The following PLXNA4 variants were observed in gnomAD, a reference collection of about 807,000 sequenced individuals.
The protein encoded by PLXNA4 is plexin-A4.
PLXNA4 carries 44 observed loss-of-function variants against 191.8 expected under a neutral mutation model. That is an observed-to-expected ratio of 0.23 (90% CI 0.18 to 0.29). The LOEUF is 0.29. Ranked by LOEUF, PLXNA4 falls within the 10% of genes least tolerant of loss-of-function variation. The pLI is 1.00. For synonymous variants in PLXNA4, 1,082 were observed against 1,009.5 expected, an observed-to-expected ratio of 1.07 and a Z score of -1.36; for missense variants, 1,800 against 2,488.8, an observed-to-expected ratio of 0.72 and a Z score of 5.89.
At chr7:132,386,772 G>T (rs1464495686) in intron 3 of PLXNA4, among the ~76,000 whole-genome samples, 1 of 152,232 alleles carries the variant, frequency 6.6e-6, no homozygotes, top group African/African-American at 2.4e-5. Context: ...CCTCAGCAGG[G>T]ATCATGTTCC....
In PLXNA4 at chr7:132,126,151, C is replaced by T. The variant is rs1216607027; in HGVS notation, c.*4328G>A. The T allele has an allele frequency of 1.3e-5, 2 of 152,304 alleles. No individual in the cohort carries two copies. The highest frequency in any genetic ancestry group is 3.2e-3 in the Middle Eastern group (1 of 316). The allele number at this position is 152,304 out of a possible 1,614,324, so 9.4% of individuals were successfully genotyped here. On this transcript the variant is annotated 3_prime_UTR_variant, in exon 32 of 32. Coordinates refer to ENST00000321063, the MANE Select transcript of PLXNA4 (RefSeq NM_020911.2). ...TAGGTCACAGAGGGTGGTGCTGAGA[C>T]CTGGGCCCATCACAGCATCGTTCAC...
intron 3 of PLXNA4, among the ~76,000 whole-genome samples, chr7:132,412,187 C>T (rs207468615): frequency 1.3e-5 from 2 of 152,208 alleles, no homozygotes; most frequent in South Asian, 4.1e-4. Flanking sequence ...TATTTCAAAA[C>T]CCTACTTATT....
At chr7:132,575,232 C>T (rs892214197) in intron 1 of PLXNA4, among the ~76,000 whole-genome samples, 14 of 152,178 alleles carry the variant, frequency 9.2e-5, no homozygotes, top group Non-Finnish European at 1.2e-4. Context: ...CTACCTCCTC[C>T]AGAAAAAGTT....
In PLXNA4 at chr7:132,135,744, C is replaced by A. The variant is rs938464172; in HGVS notation, c.5439-2545G>T. 2.6e-5 allele frequency among the ~76,000 whole-genome samples: 4 copies of A among 152,216 alleles called. No individual in the cohort carries two copies. In the East Asian group the frequency reaches 5.8e-4, roughly 22 times the overall value. On this transcript the variant is annotated intron_variant, in intron 30 of 31. Transcript: ENST00000321063. ...AGAGTAGGGTAGGACAGGGCTGGGG[C>A]CCTGACCATCTCATCTAGAGGTCCT...
chr7:132,375,607 C>A (rs1470525950), intron 3 of PLXNA4, among the ~76,000 whole-genome samples: 2 of 152,114 alleles, frequency 1.3e-5, no homozygotes, highest in African/African-American at 4.8e-5. Flanking sequence ...CATGGACATG[C>A]TAGAGGACCC....
intron 3 of PLXNA4, chr7:132,385,059 G>A: frequency 6.7e-7 from 1 of 1,498,910 alleles, no homozygotes; most frequent in Admixed American, 2.2e-5. Context: ...AAGGACTTGG[G>A]GTGGCAGGAC....
At chr7:132,200,478 G>A (rs948894102) in intron 12 of PLXNA4, among the ~76,000 whole-genome samples, 1 of 152,170 alleles carries the variant, frequency 6.6e-6, no homozygotes, top group South Asian at 2.1e-4. Flanking sequence ...GGTTAATTCT[G>A]CAAATATTTC....
intron 3 of PLXNA4, among the ~76,000 whole-genome samples, chr7:132,410,960 T>A (rs1794433886): frequency 6.6e-6 from 1 of 152,158 alleles, no homozygotes; most frequent in African/African-American, 2.4e-5. Flanking sequence ...CTCAGTAGCA[T>A]CTTTTAGAAA....
chr7:132,505,846 C>G (rs910513583), intron 2 of PLXNA4, among the ~76,000 whole-genome samples: 3 of 152,042 alleles, frequency 2.0e-5, no homozygotes, highest in African/African-American at 7.3e-5. Context: ...TCCATACCCC[C>G]GTAAGTTCAC....
chr7:132,593,965 C>T (rs1802653906), intron 2 of PLXNA4, among the ~76,000 whole-genome samples: 1 of 152,164 alleles, frequency 6.6e-6, no homozygotes, highest in South Asian at 2.1e-4. Flanking sequence ...GAAGGGAGCT[C>T]CGGGTGGTGA....
chr7:132,564,818 G>A (rs1316442372), intron 1 of PLXNA4, among the ~76,000 whole-genome samples: 1 of 152,110 alleles, frequency 6.6e-6, no homozygotes, highest in East Asian at 1.9e-4. Context: ...GTCCCCAATT[G>A]AACCTACTAC....
chr7:132,644,812 A>T (rs1803834304), intron 2 of PLXNA4, among the ~76,000 whole-genome samples: 1 of 152,154 alleles, frequency 6.6e-6, no homozygotes, highest in African/African-American at 2.4e-5. Context: ...CTTTATTAGG[A>T]CCTTTGACAA....
rs762319549 is a variant in PLXNA4, at chr7:132,564,146, TC to T, written c.-87+12275del. 9.0e-3 allele frequency among the ~76,000 whole-genome samples: 1,168 copies of T among 129,300 alleles called. 96 individuals are homozygous for T. The highest frequency in any genetic ancestry group is 0.036 in the African/African-American group (1,095 of 30,222). 84.8% of individuals were successfully genotyped at this position (129,300 alleles called of 152,430 possible). ...TTCTTTCTCCTCCTCCTTCTCCTCC[TC>T]CTCCTTCTCCTCCTCCTTCTCCTCT... is the stretch of plus-strand genomic sequence containing the variant. On this transcript the variant is annotated intron_variant, in intron 1 of 31. Coordinates refer to ENST00000321063, the MANE Select transcript of PLXNA4 (RefSeq NM_020911.2).
chr7:132,182,817 ACACAGGACTGCTGAGAGGGAGGG>A (rs1399495015), intron 16 of PLXNA4, among the ~76,000 whole-genome samples: 8 of 152,088 alleles, frequency 5.3e-5, no homozygotes, highest in African/African-American at 9.7e-5. Flanking sequence ...GACAGGGAGG[ACACAGGACTGCTGAGAGGGAGGG>A]CACAGGACTG....
intron 5 of PLXNA4, among the ~76,000 whole-genome samples, chr7:132,235,309 C>T (rs966977299): frequency 1.3e-5 from 2 of 152,216 alleles, no homozygotes; most frequent in Non-Finnish European, 2.9e-5. Context: ...CATAGCATGG[C>T]TATGAAATTA....
chr7:132,452,707 G>C (rs1283299933), intron 3 of PLXNA4, among the ~76,000 whole-genome samples: 1 of 152,266 alleles, frequency 6.6e-6, no homozygotes, highest in East Asian at 1.9e-4. Flanking sequence ...TCCAACCCAA[G>C]CTCTCTGATC....
intron 3 of PLXNA4, among the ~76,000 whole-genome samples, chr7:132,399,744 C>A (rs997088137): frequency 2.6e-5 from 4 of 152,190 alleles, no homozygotes; most frequent in African/African-American, 9.7e-5. Flanking sequence ...ATTTCAAAAT[C>A]AGGTTTTATT....
chr7:132,610,983 A>G (rs1803035153), intron 2 of PLXNA4, among the ~76,000 whole-genome samples: 1 of 152,096 alleles, frequency 6.6e-6, no homozygotes, highest in Non-Finnish European at 1.5e-5. Context: ...AGGCACCCCC[A>G]TATCTCTTCT....
At position 132,502,936 on chromosome 7, in the gene PLXNA4, T is replaced by C. The variant is rs115945707; in HGVS notation, c.1188+4570A>G. On this transcript the variant is annotated intron_variant, in intron 2 of 31. Coordinates refer to ENST00000321063, the MANE Select transcript of PLXNA4 (RefSeq NM_020911.2). ...GGTGTCAGTTGGTGATGCTGGATAA[T>C]AGTTTCTGCTCCAAGGACCCAAATT... 6.6e-3 allele frequency among the ~76,000 whole-genome samples: 1,002 copies of C among 152,254 alleles called. 12 individuals carry two copies. Among genetic ancestry groups the C allele is most frequent in the African/African-American group, 0.023 (952 of 41,544 alleles).
Sources: gnomAD v4.1 joint callset for allele counts (sites outside exome capture counted in the v4.1 genomes callset) on GRCh38, gnomAD v4.1.1 for gene constraint, MANE v1.5 for transcripts, NCBI Gene and HGNC (gene_info 2026-07-23, HGNC 2026-07-21) for gene names.